ACSM1: variants seen among roughly 807,000 people sequenced by gnomAD.
ACSM1 encodes the protein acyl-CoA synthetase medium chain family member 1, also known as acyl-coenzyme A synthetase ACSM1, mitochondrial.
ACSM1 carries 79 observed loss-of-function variants against 75.8 expected under a neutral mutation model. The ratio of observed to expected loss-of-function variants is 1.04; its 90% CI spans 0.87 to 1.26. The LOEUF is 1.26. Among genes scored for constraint, ACSM1 ranks in the 50% most tolerant of loss-of-function variants. The pLI is 0.00. For synonymous variants in ACSM1, 279 were observed against 265.8 expected (o/e 1.05, Z -0.48); for missense variants, 676 against 720.1 (o/e 0.94, Z 0.70).
chr16:20,673,424 T>C (rs1375044662), intron 4 of ACSM1, among the ~76,000 whole-genome samples: 1 of 152,186 alleles, frequency 6.6e-6, no homozygotes, highest in Non-Finnish European at 1.5e-5. Flanking sequence ...TTCTCTGACA[T>C]TAGACTACAG....
chr16:20,624,309 C>T, intron 12 of ACSM1, 94 bp from the exon 13 acceptor site: 1 of 1,421,920 alleles, frequency 7.0e-7, no homozygotes. Flanking sequence ...AACAAGGTGA[C>T]ACTGAACCCT....
intron 11 of ACSM1, among the ~76,000 whole-genome samples, chr16:20,626,664 T>C (rs1378548371): frequency 6.6e-6 from 1 of 151,876 alleles, no homozygotes; most frequent in African/African-American, 2.4e-5. Flanking sequence ...TGTTTTCACA[T>C]AGTAAGTACT....
At chr16:20,685,030 C>T (rs2079520633) in intron 3 of ACSM1, among the ~76,000 whole-genome samples, 163 bp downstream of exon 3, 1 of 152,210 alleles carries the variant, frequency 6.6e-6, no homozygotes, top group African/African-American at 2.4e-5. Context: ...ACTGATAATT[C>T]CCACAGGGCA....
At chr16:20,689,227 G>A (rs531393295) in intron 2 of ACSM1, among the ~76,000 whole-genome samples, 19 of 151,762 alleles carry the variant, frequency 1.3e-4, no homozygotes, top group Non-Finnish European at 2.2e-4. Context: ...GTTGTTATCA[G>A]TATTAAATAG....
Position 20,649,731 on chromosome 16 carries a change from G to T in ACSM1, c.993-9147C>A, listed in dbSNP as rs566649796. The stretch of plus-strand genomic sequence containing the variant: ...AGCCCGGAAGCCCCCACTTTGAGTT[G>T]TCCTGCCTTTCTGAACCAAACCAAT... On this transcript the variant is annotated intron_variant, in intron 7 of 13. Transcript: ENST00000520010. 2.0e-3 allele frequency among the ~76,000 whole-genome samples: 307 copies of T among 152,222 alleles called. 2 individuals carry two copies. The highest frequency in any genetic ancestry group is 3.5e-3 in the Non-Finnish European group (238 of 68,014).
chr16:20,625,365 C>A, intron 12 of ACSM1, 58 bp downstream of exon 12: 1 of 1,546,796 alleles, frequency 6.5e-7, no homozygotes, highest in Non-Finnish European at 8.9e-7. Context: ...GATGTTTCCC[C>A]TGCACCTGCT....
intron 7 of ACSM1, 124 bp from the exon 8 acceptor site, chr16:20,640,708 T>C: frequency 4.0e-6 from 6 of 1,482,044 alleles, no homozygotes; most frequent in Non-Finnish European, 5.4e-6. Flanking sequence ...TACTTTTTGG[T>C]CATTTTACAG....
At chr16:20,640,060 T>C (rs1192347990) in intron 8 of ACSM1, among the ~76,000 whole-genome samples, 5 of 152,206 alleles carry the variant, frequency 3.3e-5, no homozygotes, top group Admixed American at 6.5e-5. Context: ...TTCACACGTA[T>C]AGGACAAAGA....
At chr16:20,684,194 A>G (rs1359274408) in intron 3 of ACSM1, among the ~76,000 whole-genome samples, 2 of 152,218 alleles carry the variant, frequency 1.3e-5, no homozygotes, top group African/African-American at 4.8e-5. Context: ...AATGAAACTG[A>G]CAGAAATAGA....
intron 8 of ACSM1, 43 bp from the exon 9 acceptor site, chr16:20,637,494 A>T: frequency 2.0e-6 from 3 of 1,505,270 alleles, no homozygotes; most frequent in Non-Finnish European, 2.8e-6. Context: ...CAGAGAGGCC[A>T]GGCTGATCAC....
intron 7 of ACSM1, among the ~76,000 whole-genome samples, chr16:20,652,293 T>C (rs894821696): frequency 1.8e-4 from 28 of 152,236 alleles, no homozygotes; most frequent in Non-Finnish European, 3.5e-4. Flanking sequence ...TAATTTCCAA[T>C]TTAAGAAATT....
intron 1 of ACSM1, among the ~76,000 whole-genome samples, chr16:20,691,671 T>A (rs2079653416): frequency 6.6e-6 from 1 of 151,968 alleles, no homozygotes; most frequent in African/African-American, 2.4e-5. Context: ...ATCCCATGAC[T>A]AAAGTTGATT....
At chr16:20,696,248 CATGTCT>C (rs2079689109) in intron 1 of ACSM1, among the ~76,000 whole-genome samples, 1 of 152,190 alleles carries the variant, frequency 6.6e-6, no homozygotes, top group Non-Finnish European at 1.5e-5. Context: ...TTAAGTGATG[CATGTCT>C]CTATCTCTAT....
intron 3 of ACSM1, among the ~76,000 whole-genome samples, chr16:20,683,305 T>A (rs1231762720): frequency 6.6e-6 from 1 of 151,934 alleles, no homozygotes; most frequent in Non-Finnish European, 1.5e-5. Flanking sequence ...TATTATTATT[T>A]TTAGTAGAGA....
intron 11 of ACSM1, 135 bp from the exon 12 acceptor site, chr16:20,625,657 T>G (rs2016880474): frequency 1.4e-6 from 1 of 705,850 alleles, no homozygotes; most frequent in South Asian, 1.9e-5. Flanking sequence ...CTGACTTGTC[T>G]GTGTCATGGG....
intron 5 of ACSM1, 117 bp downstream of exon 5, chr16:20,671,414 A>T: frequency 8.9e-7 from 1 of 1,123,284 alleles, no homozygotes; most frequent in Non-Finnish European, 1.2e-6. Flanking sequence ...GTATGTAGTC[A>T]CTTCTACTTC....
chr16:20,637,522 A>G, intron 8 of ACSM1, 71 bp from the exon 9 acceptor site: 1 of 1,262,194 alleles, frequency 7.9e-7, no homozygotes, highest in South Asian at 1.2e-5. Flanking sequence ...TCAGAATCAT[A>G]CACAGCATCC....
At chr16:20,627,864 GTATACATATATATA>G (rs1567242118) in intron 10 of ACSM1, among the ~76,000 whole-genome samples, 2 of 46,368 alleles carry the variant, frequency 4.3e-5, no homozygotes, top group South Asian at 7.9e-4. Flanking sequence ...CTCTCTGTAT[GTATACATATATATA>G]TATATATATA....
intron 10 of ACSM1, among the ~76,000 whole-genome samples, chr16:20,632,479 C>T (rs1048902459): frequency 6.6e-6 from 1 of 152,104 alleles, no homozygotes; most frequent in African/African-American, 2.4e-5. Flanking sequence ...CTACCAAAAA[C>T]AGGAGTCACA....
Sources: allele counts gnomAD v4.1 joint callset (sites outside exome capture counted in the v4.1 genomes callset), GRCh38; gene constraint gnomAD v4.1.1; transcripts MANE v1.5; gene names NCBI Gene and HGNC (gene_info 2026-07-23, HGNC 2026-07-21).